STARD13: variants seen among roughly 807,000 people sequenced by gnomAD.
STARD13 encodes stAR-related lipid transfer protein 13.
STARD13 carries 62 observed loss-of-function variants against 106.4 expected under a neutral mutation model. The observed-to-expected ratio is 0.58, with a 90% CI of 0.48 to 0.72. STARD13 has a LOEUF of 0.72. STARD13 is among the 30% of genes least tolerant of loss of function. The probability of loss-of-function intolerance (pLI) is 0.00; values close to 1 mark genes in which losing one functional copy is unlikely to be tolerated. For missense variants in STARD13, 1,387 were observed against 1,424.0 expected, an observed-to-expected ratio of 0.97 and a Z score of 0.42; for synonymous variants, 565 against 553.0, an observed-to-expected ratio of 1.02 and a Z score of -0.31.
chr13:33,551,873 T>C, the STARD13 span, among the ~76,000 whole-genome samples: 3 of 151,954 alleles, frequency 2.0e-5, no homozygotes, highest in Non-Finnish European at 4.4e-5. Flanking sequence ...GCTGGGATTA[T>C]AGGCATGAGC....
At chr13:33,118,044 A>G in intron 8 of STARD13, 21 bp downstream of exon 8, 2 of 1,612,558 alleles carry the variant, frequency 1.2e-6, no homozygotes, top group Non-Finnish European at 1.7e-6. Flanking sequence ...CGAGAACACC[A>G]ATCTCATTAT....
At chr13:33,214,904 T>C (rs1270194844) in intron 1 of STARD13, among the ~76,000 whole-genome samples, 3 of 152,062 alleles carry the variant, frequency 2.0e-5, no homozygotes, top group Non-Finnish European at 4.4e-5. Context: ...CAGGTGCTCC[T>C]GCAAAAAATG....
chr13:33,474,215 C>A, the STARD13 span, among the ~76,000 whole-genome samples: 7 of 152,244 alleles, frequency 4.6e-5, no homozygotes, highest in Non-Finnish European at 8.8e-5. Flanking sequence ...CAGAGTCGAG[C>A]TAGTTAGTAC....
intron 1 of STARD13, among the ~76,000 whole-genome samples, chr13:33,307,942 A>T (rs1300670934): frequency 6.6e-6 from 1 of 152,210 alleles, no homozygotes; most frequent in Non-Finnish European, 1.5e-5. Context: ...TTTCCTTACT[A>T]GTCAATTTTT....
intron 2 of STARD13, 49 bp downstream of exon 2, chr13:33,167,502 C>A: frequency 1.3e-6 from 2 of 1,583,500 alleles, no homozygotes; most frequent in South Asian, 1.1e-5. Flanking sequence ...ACGTGTGGTT[C>A]ATTTTGGATT....
chr13:33,265,541 A>G (rs1287908188), intron 1 of STARD13, among the ~76,000 whole-genome samples: 4 of 152,224 alleles, frequency 2.6e-5, no homozygotes, highest in Non-Finnish European at 5.9e-5. Context: ...ATCAGGCACT[A>G]AATTATGTTG....
At chr13:33,241,773 C>G (rs371189929) in intron 1 of STARD13, among the ~76,000 whole-genome samples, 1 of 152,144 alleles carries the variant, frequency 6.6e-6, no homozygotes, top group Non-Finnish European at 1.5e-5. Flanking sequence ...AGCTCCTGAC[C>G]GCGAGTGATC....
downstream of STARD13, among the ~76,000 whole-genome samples, chr13:33,347,755 A>G (rs1314698077): frequency 1.3e-5 from 2 of 152,222 alleles, no homozygotes; most frequent in African/African-American, 4.8e-5. Context: ...CACTCAACCA[A>G]TGAAATCACC....
At chr13:33,230,958 A>G (rs556955274) in intron 1 of STARD13, among the ~76,000 whole-genome samples, 25 of 152,344 alleles carry the variant, frequency 1.6e-4, no homozygotes, top group Non-Finnish European at 2.8e-4. Flanking sequence ...TGTTGTGGGC[A>G]TATAAAGAAG....
At chr13:33,578,187 T>C in the STARD13 span, among the ~76,000 whole-genome samples, 1 of 152,082 alleles carries the variant, frequency 6.6e-6, no homozygotes, top group Non-Finnish European at 1.5e-5. Flanking sequence ...AGACCTTCAA[T>C]AGCCAGAGCA....
At chr13:33,149,657 G>A (rs140966158) in intron 3 of STARD13, among the ~76,000 whole-genome samples, 5 of 152,266 alleles carry the variant, frequency 3.3e-5, no homozygotes, top group African/African-American at 1.2e-4. Flanking sequence ...TTCCCATCAC[G>A]GTATAGCATT....
chr13:33,249,618 C>G (rs1441207469), intron 1 of STARD13, among the ~76,000 whole-genome samples: 3 of 152,132 alleles, frequency 2.0e-5, no homozygotes, highest in Non-Finnish European at 4.4e-5. Context: ...ATTAAGGAAA[C>G]TAAGCCTCAG....
At chr13:33,347,902 C>T (rs977579500), downstream of STARD13, among the ~76,000 whole-genome samples, 3 of 152,210 alleles carry the variant, frequency 2.0e-5, no homozygotes, top group Non-Finnish European at 2.9e-5. Context: ...TTGATGCCAA[C>T]ATTAATAACT....
the STARD13 span, among the ~76,000 whole-genome samples, chr13:33,592,664 A>G: frequency 2.0e-5 from 3 of 152,244 alleles, no homozygotes; most frequent in Admixed American, 6.5e-5. Context: ...AAGAGCTTAG[A>G]TACTTGCTTA....
chr13:33,468,480 C>T, the STARD13 span, among the ~76,000 whole-genome samples: 2 of 152,282 alleles, frequency 1.3e-5, no homozygotes, highest in East Asian at 1.9e-4. Flanking sequence ...GGACATTTCT[C>T]TCATGGGTGG....
intron 13 of STARD13, among the ~76,000 whole-genome samples, 194 bp downstream of exon 13, chr13:33,106,564 G>A (rs1218630345): frequency 6.6e-6 from 1 of 152,172 alleles, no homozygotes; most frequent in African/African-American, 2.4e-5. Context: ...AACAGTTGCA[G>A]GAGAAATGTC....
At chr13:33,650,379 A>T in the STARD13 span, among the ~76,000 whole-genome samples, 2 of 149,430 alleles carry the variant, frequency 1.3e-5, no homozygotes, top group African/African-American at 2.5e-5. Context: ...TTTAGTAGAG[A>T]CGGGGTTTCA....
chr13:33,624,017 T>C, the STARD13 span, among the ~76,000 whole-genome samples: 1 of 152,222 alleles, frequency 6.6e-6, no homozygotes, highest in East Asian at 1.9e-4. Flanking sequence ...TGTTGAAGAA[T>C]GTAAAATAAA....
At chr13:33,443,434 C>A in the STARD13 span, among the ~76,000 whole-genome samples, 13 of 95,130 alleles carry the variant, frequency 1.4e-4, no homozygotes, top group African/African-American at 5.7e-4. Context: ...AATTTCATAA[C>A]AATTAATAAA....
Sources: allele counts gnomAD v4.1 joint callset (sites outside exome capture counted in the v4.1 genomes callset), GRCh38; gene constraint gnomAD v4.1.1; transcripts MANE v1.5; gene names NCBI Gene and HGNC (gene_info 2026-07-23, HGNC 2026-07-21).